CFAP61: variants seen among roughly 807,000 people sequenced by gnomAD.
CFAP61 encodes the protein cilia- and flagella-associated protein 61.
A neutral mutation model predicts 135.6 loss-of-function variants in CFAP61; 107 were observed. The ratio of observed to expected loss-of-function variants is 0.79; its 90% CI spans 0.67 to 0.93. The LOEUF is 0.93. Ranked by LOEUF, CFAP61 falls within the 40% of genes least tolerant of loss-of-function variation. CFAP61 has a pLI of 0.00. For missense variants in CFAP61, 1,507 were observed against 1,556.2 expected (o/e 0.97, Z 0.53); for synonymous variants, 575 against 578.5 (o/e 0.99, Z 0.09).
chr20:20,251,884 G>A, intron 20 of CFAP61, 121 bp downstream of exon 20: 1 of 1,064,244 alleles, frequency 9.4e-7, no homozygotes, highest in Non-Finnish European at 1.4e-6. Context: ...GACAGCTGCT[G>A]CTCTAAATTC....
chr20:20,207,067 G>A (rs2056887704), intron 17 of CFAP61, among the ~76,000 whole-genome samples: 1 of 152,162 alleles, frequency 6.6e-6, no homozygotes, highest in African/African-American at 2.4e-5. Context: ...TACTGTTTCA[G>A]TTCTTTTGAA....
intron 17 of CFAP61, chr20:20,221,641 G>A (rs1017811589): frequency 1.3e-5 from 2 of 152,114 alleles, no homozygotes; most frequent in Non-Finnish European, 2.9e-5. Flanking sequence ...ATTATTTGCT[G>A]GGTGATGTGG....
At chr20:20,103,609 TA>T (rs909259459) in intron 8 of CFAP61, among the ~76,000 whole-genome samples, 3 of 152,214 alleles carry the variant, frequency 2.0e-5, no homozygotes, top group South Asian at 4.1e-4. Context: ...CCTTAAATGC[TA>T]AAAAAAACTT....
intron 8 of CFAP61, among the ~76,000 whole-genome samples, chr20:20,107,311 C>T (rs372316496): frequency 1.3e-5 from 2 of 152,330 alleles, no homozygotes. Context: ...CAGAGGCCTT[C>T]TCTCCACTGC....
chr20:20,090,754 C>A, intron 6 of CFAP61, 90 bp from the exon 7 acceptor site: 4 of 1,223,448 alleles, frequency 3.3e-6, no homozygotes, highest in Non-Finnish European at 3.5e-6. Flanking sequence ...AGCCCCGGCA[C>A]TTAGAACAGG....
intron 22 of CFAP61, among the ~76,000 whole-genome samples, chr20:20,286,723 T>C (rs2054611938): frequency 6.6e-6 from 1 of 152,214 alleles, no homozygotes; most frequent in Non-Finnish European, 1.5e-5. Context: ...TGGATTTGCT[T>C]ATTCAGTTTT....
At chr20:20,076,177 CCT>C (rs1259120267) in intron 6 of CFAP61, among the ~76,000 whole-genome samples, 1 of 152,328 alleles carries the variant, frequency 6.6e-6, no homozygotes, top group Admixed American at 6.5e-5. Flanking sequence ...GGCGCTCCGT[CCT>C]CTCTTCCTGA....
chr20:20,180,432 AT>A (rs1284848126), intron 13 of CFAP61, among the ~76,000 whole-genome samples: 2 of 152,178 alleles, frequency 1.3e-5, no homozygotes, highest in African/African-American at 4.8e-5. Flanking sequence ...TACCTCACTG[AT>A]CATTAGAGAA....
chr20:20,052,723 C>G (rs7508949), intron 1 of CFAP61, 132 bp downstream of exon 1: 651,860 of 1,600,538 alleles, frequency 0.41, 139,552 homozygotes, highest in Middle Eastern at 0.45. Context: ...CCGTGGCGCC[C>G]TGCAAGGGAG....
chr20:20,100,909 C>G (rs2047976202), intron 8 of CFAP61, among the ~76,000 whole-genome samples: 1 of 152,154 alleles, frequency 6.6e-6, no homozygotes, highest in African/African-American at 2.4e-5. Flanking sequence ...TAAAATAAGT[C>G]AATCTAGGAC....
At chr20:20,347,924 C>A (rs541388497) in intron 26 of CFAP61, among the ~76,000 whole-genome samples, 3 of 124,766 alleles carry the variant, frequency 2.4e-5, no homozygotes, top group African/African-American at 6.4e-5. Context: ...CAGAGCAAGA[C>A]GCCATCTCAA....
At chr20:20,351,664 A>T (rs1569325763) in intron 26 of CFAP61, among the ~76,000 whole-genome samples, 1 of 152,180 alleles carries the variant, frequency 6.6e-6, no homozygotes, top group Non-Finnish European at 1.5e-5. Flanking sequence ...ATCAAAAAAA[A>T]TATTTAGGAG....
At chr20:20,177,525 T>G (rs62200344) in intron 13 of CFAP61, among the ~76,000 whole-genome samples, 2,146 of 29,274 alleles carry the variant, frequency 0.073, 33 homozygotes, top group Middle Eastern at 0.2. Flanking sequence ...GAGTGCTGGC[T>G]GATGTCTTGT....
At chr20:20,147,504 A>G (rs1243097040) in intron 9 of CFAP61, among the ~76,000 whole-genome samples, 3 of 152,118 alleles carry the variant, frequency 2.0e-5, no homozygotes, top group Non-Finnish European at 4.4e-5. Context: ...TAGTGATGTT[A>G]AACATTTTTT....
rs114812726 is a variant in CFAP61, at chr20:20,072,765, G to A, written c.295-1537G>A. On this transcript the variant is annotated intron_variant, in intron 3 of 26. Coordinates refer to ENST00000245957, the MANE Select transcript of CFAP61 (RefSeq NM_015585.4). Reference sequence around the variant, plus strand: ...TAGTCTGAATTGAGGTGTTCCATAAGTATAAAATATGCCAGATTTCAAATA... The same window carrying A: ...TAGTCTGAATTGAGGTGTTCCATAAATATAAAATATGCCAGATTTCAAATA... 4.1e-3 allele frequency among the ~76,000 whole-genome samples: 630 copies of A among 152,160 alleles called. 5 individuals are homozygous for A. Among genetic ancestry groups the A allele is most frequent in the African/African-American group, 0.014 (598 of 41,498 alleles).
rs1381011821 is a variant in CFAP61 at position 20,079,506 on chromosome 20, A to T, written c.566+3891A>T. ...TTTTGTGTTGAAGGGAAGCAGAGAG[A>T]GGGAGGCCAGAAACCTACCTGCAGA... is the stretch of plus-strand genomic sequence containing the variant. On this transcript the variant is annotated intron_variant, in intron 6 of 26. Transcript: ENST00000245957. 2.0e-5 allele frequency among the ~76,000 whole-genome samples: 3 copies of T among 152,110 alleles called. No homozygotes were observed. The East Asian group carries it at 5.8e-4, about 29-fold the overall frequency.
In CFAP61 at chr20:20,290,330, T is replaced by G. The variant is rs781214013; in HGVS notation, c.3155T>G (p.Leu1052Arg). Residue 1052 changes from leucine to arginine, a missense_variant, in exon 24 of 27, where the codon CTG (leucine) becomes CGG (arginine). By Grantham distance (102) the Leu-to-Arg change is moderately radical. Coordinates refer to ENST00000245957, the MANE Select transcript of CFAP61 (RefSeq NM_015585.4). ...ATTCTTCCTGGGTCTTACCATTATCTGCATATTGCCAAGCCTGCCATTCCA... is the reference window on the plus strand; with the variant it reads ...ATTCTTCCTGGGTCTTACCATTATCGGCATATTGCCAAGCCTGCCATTCCA... ...GGILPGSYHY[L>R]HIAKPAIPTP... 3.7e-6 allele frequency: 6 copies of G among 1,613,358 alleles called. No homozygotes were observed. In the Admixed American group the frequency reaches 6.7e-5, roughly 18 times the overall value.
chr20:20,201,306 A>G (rs560153732), intron 17 of CFAP61, among the ~76,000 whole-genome samples: 1 of 152,344 alleles, frequency 6.6e-6, no homozygotes, highest in South Asian at 2.1e-4. Flanking sequence ...ATTGAGTGGC[A>G]CTGGAATGCC....
At chr20:20,312,703 G>GCA in intron 25 of CFAP61, among the ~76,000 whole-genome samples, 1 of 152,208 alleles carries the variant, frequency 6.6e-6, no homozygotes, top group East Asian at 1.9e-4. Flanking sequence ...AGCAACAAAA[G>GCA]ACACGGGCAC....
Sources: gnomAD v4.1 joint callset for allele counts (sites outside exome capture counted in the v4.1 genomes callset) on GRCh38, gnomAD v4.1.1 for gene constraint, MANE v1.5 for transcripts, NCBI Gene and HGNC (gene_info 2026-07-23, HGNC 2026-07-21) for gene names.